LRRC69: variants seen among roughly 807,000 people sequenced by gnomAD.
LRRC69 encodes the protein leucine rich repeat containing 69, also known as leucine-rich repeat-containing protein 69.
LRRC69 carries 42 observed loss-of-function variants against 37.8 expected under a neutral mutation model. That is an observed-to-expected ratio of 1.11 (90% CI 0.87 to 1.44). The LOEUF (loss-of-function observed/expected upper bound fraction) is 1.44, where lower values mean the gene tolerates loss of function less well. LRRC69 is among the 40% of genes most tolerant of loss of function. The pLI is 0.00. For missense variants in LRRC69, 357 were observed against 401.9 expected, an observed-to-expected ratio of 0.89 and a Z score of 0.96; for synonymous variants, 141 against 143.1, an observed-to-expected ratio of 0.99 and a Z score of 0.11.
intron 6 of LRRC69, among the ~76,000 whole-genome samples, chr8:91,195,828 C>G (rs199669089): frequency 0.03 from 4,542 of 150,742 alleles, 187 homozygotes; most frequent in East Asian, 0.21. Context: ...TTAATTGGAG[C>G]ATTTAGTCCA....
intron 5 of LRRC69, among the ~76,000 whole-genome samples, chr8:91,171,969 A>T (rs1809140815): frequency 6.6e-6 from 1 of 151,428 alleles, no homozygotes; most frequent in African/African-American, 2.4e-5. Context: ...TAAAAAATGG[A>T]ATATTCAGAC....
chr8:91,179,187 A>G (rs1253387552), intron 5 of LRRC69, among the ~76,000 whole-genome samples: 1 of 152,222 alleles, frequency 6.6e-6, no homozygotes, highest in African/African-American at 2.4e-5. Flanking sequence ...TTTATAAAGA[A>G]AAGCGGTTTT....
intron 3 of LRRC69, among the ~76,000 whole-genome samples, chr8:91,129,467 T>C (rs1193314342): frequency 6.6e-6 from 1 of 151,900 alleles, no homozygotes; most frequent in Admixed American, 6.6e-5. Flanking sequence ...AAATGAACAA[T>C]AGGATCTGAG....
chr8:91,148,689 A>G (rs575747521), intron 5 of LRRC69, among the ~76,000 whole-genome samples: 1 of 152,130 alleles, frequency 6.6e-6, no homozygotes, highest in African/African-American at 2.4e-5. Context: ...ACTAGTTTAC[A>G]GTCCCACCAA....
intron 5 of LRRC69, among the ~76,000 whole-genome samples, chr8:91,137,364 T>C (rs748375025): frequency 1.4e-4 from 22 of 152,152 alleles, no homozygotes; most frequent in Non-Finnish European, 2.6e-4. Flanking sequence ...TTGAGCAACA[T>C]AATGGAGTAA....
chr8:91,165,819 T>G (rs1354211188), intron 5 of LRRC69, among the ~76,000 whole-genome samples: 1 of 151,832 alleles, frequency 6.6e-6, no homozygotes, highest in Non-Finnish European at 1.5e-5. Context: ...ATGGTTGACG[T>G]TTTATGATTC....
intron 5 of LRRC69, among the ~76,000 whole-genome samples, chr8:91,143,051 A>G (rs575013697): frequency 1.3e-4 from 20 of 152,162 alleles, no homozygotes; most frequent in Non-Finnish European, 2.2e-4. Context: ...TATGTTGTTT[A>G]ATTCGGTTAG....
chr8:91,172,515 T>A (rs1334980070), intron 5 of LRRC69, among the ~76,000 whole-genome samples: 1 of 152,028 alleles, frequency 6.6e-6, no homozygotes. Context: ...ATAAACTCTT[T>A]ATTTATTTTT....
intron 5 of LRRC69, among the ~76,000 whole-genome samples, chr8:91,188,970 A>G (rs1274451158): frequency 6.6e-6 from 1 of 151,878 alleles, no homozygotes; most frequent in Non-Finnish European, 1.5e-5. Flanking sequence ...GATTATGGGC[A>G]TGTACCACCA....
intron 7 of LRRC69, among the ~76,000 whole-genome samples, chr8:91,218,301 T>G (rs1810092208): frequency 6.6e-6 from 1 of 152,052 alleles, no homozygotes; most frequent in South Asian, 2.1e-4. Context: ...ACATAAATGG[T>G]CAATATATGT....
intron 5 of LRRC69, among the ~76,000 whole-genome samples, chr8:91,181,446 A>T (rs1265358380): frequency 1.3e-5 from 2 of 152,184 alleles, no homozygotes; most frequent in Non-Finnish European, 2.9e-5. Context: ...TCTTTTTCAC[A>T]TACAGATATA....
chr8:91,191,045 C>G (rs866394647), intron 6 of LRRC69, among the ~76,000 whole-genome samples: 1,711 of 141,078 alleles, frequency 0.012, 70 homozygotes, highest in African/African-American at 0.04. Context: ...TCTCAAACCC[C>G]CCCCCCCCCA....
At chr8:91,207,293 G>C (rs939533973) in intron 7 of LRRC69, among the ~76,000 whole-genome samples, 11 of 152,154 alleles carry the variant, frequency 7.2e-5, no homozygotes, top group African/African-American at 2.7e-4. Flanking sequence ...ACAGAACTGT[G>C]GCTAGGGATC....
intron 3 of LRRC69, among the ~76,000 whole-genome samples, chr8:91,131,250 TTTTG>T (rs1285026940): frequency 6.8e-6 from 1 of 146,282 alleles, no homozygotes; most frequent in Non-Finnish European, 1.5e-5. Flanking sequence ...TTTTTTTTTG[TTTTG>T]TTTAAGATGG....
intron 5 of LRRC69, among the ~76,000 whole-genome samples, chr8:91,151,825 A>G (rs1351554098): frequency 6.6e-6 from 1 of 151,520 alleles, no homozygotes; most frequent in African/African-American, 2.4e-5. Flanking sequence ...TGACTTTTTA[A>G]TAATTGCCAT....
At chr8:91,135,576 C>T in intron 4 of LRRC69, 92 bp from the exon 5 acceptor site, 1 of 764,438 alleles carries the variant, frequency 1.3e-6, no homozygotes, top group Non-Finnish European at 2.0e-6. Context: ...TGGCCACCTT[C>T]ATCATGTTGG....
At chr8:91,204,537 A>G (rs1490802973) in intron 7 of LRRC69, among the ~76,000 whole-genome samples, 1 of 152,134 alleles carries the variant, frequency 6.6e-6, no homozygotes, top group South Asian at 2.1e-4. Flanking sequence ...CTTGGACCCT[A>G]TGCTGAAAGT....
At chr8:91,178,085 T>C (rs905706991) in intron 5 of LRRC69, among the ~76,000 whole-genome samples, 4 of 152,192 alleles carry the variant, frequency 2.6e-5, no homozygotes, top group African/African-American at 9.7e-5. Flanking sequence ...CCTGACCTTG[T>C]GATCCGCCTG....
intron 5 of LRRC69, among the ~76,000 whole-genome samples, chr8:91,154,548 A>C (rs13256894): frequency 0.053 from 7,982 of 151,884 alleles, 300 homozygotes; most frequent in Middle Eastern, 0.16. Flanking sequence ...GTCTTCATTC[A>C]TGGGATGCAA....
Sources: allele counts gnomAD v4.1 joint callset (sites outside exome capture counted in the v4.1 genomes callset), GRCh38; gene constraint gnomAD v4.1.1; transcripts MANE v1.5; gene names NCBI Gene and HGNC (gene_info 2026-07-23, HGNC 2026-07-21).